NALCN: variants seen among roughly 807,000 people sequenced by gnomAD.
NALCN encodes the protein sodium leak channel, non-selective, also known as sodium leak channel NALCN.
A neutral mutation model predicts 225.3 loss-of-function variants in NALCN; 111 were observed. The ratio of observed to expected loss-of-function variants is 0.49; its 90% CI spans 0.42 to 0.58. NALCN has a LOEUF of 0.58. Among genes scored for constraint, NALCN ranks in the 20% least tolerant of loss-of-function variants. The pLI is 0.00. For missense variants in NALCN, 1,378 were observed against 2,202.4 expected (o/e 0.63, Z 7.49); for synonymous variants, 764 against 769.0 (o/e 0.99, Z 0.11).
chr13:101,391,009 T>A (rs998382622), intron 3 of NALCN, among the ~76,000 whole-genome samples: 1 of 151,944 alleles, frequency 6.6e-6, no homozygotes, highest in Non-Finnish European at 1.5e-5. Context: ...TGTATACATA[T>A]GTAACAAACC....
chr13:101,387,288 G>A (rs531044908), intron 3 of NALCN, among the ~76,000 whole-genome samples: 1 of 146,136 alleles, frequency 6.8e-6, no homozygotes, highest in East Asian at 2.0e-4. Flanking sequence ...TGGCATATGT[G>A]TACATCAACT....
intron 15 of NALCN, among the ~76,000 whole-genome samples, chr13:101,160,428 G>A (rs1173327232): frequency 6.6e-6 from 1 of 152,120 alleles, no homozygotes; most frequent in East Asian, 1.9e-4. Flanking sequence ...AGGAGGGGCA[G>A]GCTAGGAAAT....
chr13:101,254,807 C>T (rs2042174407), intron 11 of NALCN, among the ~76,000 whole-genome samples: 1 of 81,006 alleles, frequency 1.2e-5, no homozygotes, highest in Admixed American at 1.3e-4. Context: ...AGGAGAATGG[C>T]GTGAACCCGG....
chr13:101,109,529 G>A (rs144538127), intron 20 of NALCN, among the ~76,000 whole-genome samples: 9 of 152,162 alleles, frequency 5.9e-5, no homozygotes, highest in Non-Finnish European at 1.0e-4. Flanking sequence ...AGAGAAAAAC[G>A]AAATAACCCC....
intron 15 of NALCN, among the ~76,000 whole-genome samples, chr13:101,158,655 C>A (rs1201832610): frequency 1.3e-5 from 2 of 152,224 alleles, no homozygotes; most frequent in Admixed American, 1.3e-4. Flanking sequence ...AGCTTCCTTT[C>A]ACAACCAACT....
chr13:101,395,104 G>T, intron 3 of NALCN, 79 bp downstream of exon 3: 1 of 1,386,596 alleles, frequency 7.2e-7, no homozygotes, highest in Non-Finnish European at 9.7e-7. Flanking sequence ...TTACTGAAAT[G>T]AACAAGAAAA....
chr13:101,395,655 C>T (rs1298874529), intron 2 of NALCN, among the ~76,000 whole-genome samples: 1 of 152,190 alleles, frequency 6.6e-6, no homozygotes, highest in Non-Finnish European at 1.5e-5. Flanking sequence ...TAGACGGAAC[C>T]TGATCAGGCT....
chr13:101,361,168 T>C (rs1376399754), intron 6 of NALCN, among the ~76,000 whole-genome samples: 1 of 152,168 alleles, frequency 6.6e-6, no homozygotes, highest in Non-Finnish European at 1.5e-5. Context: ...CAAAATTTAC[T>C]CTTGGTGCTG....
rs536014284 is a variant in NALCN at position 101,146,858 on chromosome 13, T to C, written c.1840-1962A>G. Among the ~76,000 whole-genome samples the C allele has an allele frequency of 8.6e-5, 13 of 151,938 alleles. No homozygotes were observed. In the South Asian group the frequency reaches 2.5e-3, roughly 29 times the overall value. On this transcript the variant is annotated intron_variant, in intron 15 of 43. Transcript: ENST00000251127. ...TAGTTCTATAAAGAGACAATGATAA[T>C]AAAATAGAATGGCCACTCTGGCAGA...
intron 15 of NALCN, among the ~76,000 whole-genome samples, chr13:101,173,057 T>C (rs114175421): frequency 0.017 from 2,534 of 152,366 alleles, 24 homozygotes; most frequent in Non-Finnish European, 0.021. Context: ...AAGAAGATCA[T>C]TGCAAAGTGG....
At chr13:101,362,558 A>G (rs144827757) in intron 6 of NALCN, among the ~76,000 whole-genome samples, 5 of 152,180 alleles carry the variant, frequency 3.3e-5, no homozygotes, top group Admixed American at 3.3e-4. Flanking sequence ...TTATCAAAAC[A>G]CTAAAAAATT....
chr13:101,158,337 T>C (rs546270161), intron 15 of NALCN, among the ~76,000 whole-genome samples: 3 of 152,316 alleles, frequency 2.0e-5, no homozygotes, highest in Admixed American at 6.5e-5. Context: ...TTTAATCCTC[T>C]CCTGAATGAG....
intron 10 of NALCN, among the ~76,000 whole-genome samples, chr13:101,280,947 C>T (rs2043149551): frequency 6.8e-6 from 1 of 146,640 alleles, no homozygotes; most frequent in South Asian, 2.2e-4. Flanking sequence ...GTGGCACAAT[C>T]TCAGCTCACT....
chr13:101,193,692 C>A (rs1446446666), intron 13 of NALCN, among the ~76,000 whole-genome samples: 2 of 152,124 alleles, frequency 1.3e-5, no homozygotes, highest in African/African-American at 4.8e-5. Flanking sequence ...AAAATTATTC[C>A]TTCTAAAATT....
At chr13:101,338,609 G>A (rs2045459897) in intron 7 of NALCN, among the ~76,000 whole-genome samples, 1 of 152,162 alleles carries the variant, frequency 6.6e-6, no homozygotes, top group Non-Finnish European at 1.5e-5. Flanking sequence ...GGAATCACCA[G>A]TTCGATGGTG....
intron 11 of NALCN, among the ~76,000 whole-genome samples, chr13:101,250,452 G>A (rs566881171): frequency 1.3e-5 from 2 of 152,084 alleles, no homozygotes; most frequent in South Asian, 2.1e-4. Context: ...GAGGTGTCCA[G>A]AAACACAATT....
rs761857050 is a variant in NALCN, at chr13:101,399,097, C to T, written c.30G>A (p.Val10=). The change falls in exon 2 of 44, where the codon GTG becomes GTA. Residue 10 remains valine (V), a synonymous_variant. Coordinates refer to ENST00000251127, the MANE Select transcript of NALCN (RefSeq NM_052867.4). ...CAAAGTCAGTGACTGGCTGGGCTTC[C>T]ACCCTGGAACTCTGCTTCCTTTTGA... MLKRKQSSR[V]EAQPVTDFGP... The T allele has an allele frequency of 4.5e-5, 72 of 1,613,396 alleles. No individual in the cohort carries two copies. Among genetic ancestry groups the T allele is most frequent in the Admixed American group, 5.0e-5 (3 of 59,952 alleles).
Position 101,197,470 on chromosome 13 carries a change from G to A in NALCN, c.1627-5416C>T, listed in dbSNP as rs944803467. Reference sequence around the variant, plus strand: ...CTTAGGTTTTATTAGCAGGGGAGTTGGGTAATTTTGCTATTTTACCCCTCA... The same window carrying A: ...CTTAGGTTTTATTAGCAGGGGAGTTAGGTAATTTTGCTATTTTACCCCTCA... On this transcript the variant is annotated intron_variant, in intron 13 of 43. Coordinates refer to ENST00000251127, the MANE Select transcript of NALCN (RefSeq NM_052867.4). Among the ~76,000 whole-genome samples, 9 of 152,092 alleles carry A rather than the reference G, an allele frequency of 5.9e-5. No individual in the cohort carries two copies. In the East Asian group the frequency reaches 1.7e-3, roughly 29 times the overall value.
chr13:101,393,799 C>T (rs1188256325), intron 3 of NALCN, among the ~76,000 whole-genome samples: 7 of 152,074 alleles, frequency 4.6e-5, no homozygotes, highest in Non-Finnish European at 8.8e-5. Context: ...AAAAGTGAAC[C>T]TCCCTCCCAA....
Sources: allele counts gnomAD v4.1 joint callset (sites outside exome capture counted in the v4.1 genomes callset), GRCh38; gene constraint gnomAD v4.1.1; transcripts MANE v1.5; gene names NCBI Gene and HGNC (gene_info 2026-07-23, HGNC 2026-07-21).